The following PIK3R5 variants were observed in gnomAD, a reference collection of about 807,000 sequenced individuals.
PIK3R5 encodes phosphoinositide-3-kinase regulatory subunit 5.
Under a neutral mutation model 94.9 loss-of-function variants are expected in PIK3R5, and 32 were observed. That is an observed-to-expected ratio of 0.34 (90% confidence interval 0.25 to 0.45). The LOEUF is 0.45. Ranked by LOEUF, PIK3R5 falls within the 20% of genes least tolerant of loss-of-function variation. PIK3R5 has a pLI of 1.00. For missense variants in PIK3R5, 853 were observed against 1,144.6 expected (o/e 0.75, Z 3.68); for synonymous variants, 443 against 479.4 (o/e 0.92, Z 0.99).
At chr17:8,941,413 A>G (rs1275909285) in intron 1 of PIK3R5, among the ~76,000 whole-genome samples, 1 of 141,280 alleles carries the variant, frequency 7.1e-6, no homozygotes, top group African/African-American at 2.7e-5. Context: ...GAGTGACCAG[A>G]GACGGCTTGA....
chr17:8,941,177 T>C (rs558523971), intron 1 of PIK3R5, among the ~76,000 whole-genome samples: 2 of 152,118 alleles, frequency 1.3e-5, no homozygotes, highest in South Asian at 4.2e-4. Context: ...CCACCATGAC[T>C]GAGGGGTGTA....
chr17:8,931,904 A>C (rs569874292), intron 1 of PIK3R5, among the ~76,000 whole-genome samples: 2 of 152,286 alleles, frequency 1.3e-5, no homozygotes, highest in Non-Finnish European at 2.9e-5. Flanking sequence ...TTTAAGAAAC[A>C]CTTGAAAGGA....
At chr17:8,965,074 G>C (rs1469966913) in intron 1 of PIK3R5, among the ~76,000 whole-genome samples, 1 of 152,144 alleles carries the variant, frequency 6.6e-6, no homozygotes, top group African/African-American at 2.4e-5. Flanking sequence ...GATCCTCTGA[G>C]AGCAGAAAGC....
At position 8,935,715 on chromosome 17, in the gene PIK3R5, G is replaced by A. The variant is rs1175636528; in HGVS notation, c.-13-24208C>T. 2.6e-5 allele frequency among the ~76,000 whole-genome samples: 4 copies of A among 152,110 alleles called. No individual in the cohort carries two copies. Among genetic ancestry groups the A allele is most frequent in the Non-Finnish European group, 5.9e-5 (4 of 68,024 alleles). On this transcript the variant is annotated intron_variant, in intron 1 of 18. Coordinates refer to ENST00000447110, the MANE Select transcript of PIK3R5 (RefSeq NM_001142633.3). This position sits in a 1 kb window ranked among gnomAD's most constrained non-coding sequence, Gnocchi z 4.5. ...GGAAAGTGAACAGCTCTGAGCTCCC[G>A]GACAGCTCCTGGCAGGATGGGGCTT...
Position 8,893,548 on chromosome 17 carries a change from C to T in PIK3R5, c.482+38G>A, listed in dbSNP as rs2151379657. On this transcript the variant is annotated intron_variant, in intron 6 of 18. Transcript: ENST00000447110. The surrounding 1 kb of genome is among the most constrained non-coding windows in gnomAD (Gnocchi z 5.1). ...TGGAACAGTGCAGGGGTCCCAAACT[C>T]CCTCCCCACTGTTTCTCCGTCCCCC... 1 of 1,549,526 alleles carries T rather than the reference C, an allele frequency of 6.5e-7. No individual in the cohort carries two copies. Among genetic ancestry groups the T allele is most frequent in the South Asian group, 1.1e-5 (1 of 89,866 alleles).
rs921854758 is a variant in PIK3R5, at chr17:8,909,078, C to T, written c.200G>A (p.Arg67Gln). 17 of 1,598,624 alleles carry T rather than the reference C, an allele frequency of 1.1e-5. No individual in the cohort carries two copies. The highest frequency in any genetic ancestry group is 2.3e-5 in the East Asian group (1 of 44,442). ...CAATTCCTGACTCCCCCTCACCTCT[C>T]GGGTCTTCTGCAGGATCTGCTCAAG... ...ILLEQILQKT[R>Q]EVQEKGTYDL... is the part of the protein sequence containing the mutation. The change falls in exon 3 of 19, where the codon CGA becomes CAA. Residue 67 changes from arginine to glutamine, a missense_variant. By Grantham distance (43) the Arg-to-Gln change is conservative. Around this residue, in one of 6 missense-constraint regions of PIK3R5, gnomAD observed 108 missense variants for 170.1 expected, o/e 0.63. Transcript: ENST00000447110. The surrounding 1 kb of genome is among the most constrained non-coding windows in gnomAD (Gnocchi z 4.3).
At chr17:8,928,829 A>T (rs1170278410) in intron 1 of PIK3R5, among the ~76,000 whole-genome samples, 1 of 152,208 alleles carries the variant, frequency 6.6e-6, no homozygotes. Context: ...ATAATAAGAA[A>T]GGGAAAAATC....
chr17:8,905,147 A>G (rs757209850), intron 4 of PIK3R5, among the ~76,000 whole-genome samples: 19 of 72,140 alleles, frequency 2.6e-4, no homozygotes, highest in African/African-American at 1.1e-3. Context: ...GCTTTACCCA[A>G]TGCTTGAGTG....
At position 8,882,126 on chromosome 17, in the gene PIK3R5, T is replaced by A; in HGVS notation, c.2206-245A>T. On this transcript the variant is annotated intron_variant, in intron 15 of 18. Transcript: ENST00000447110. This position sits in a 1 kb window ranked among gnomAD's most constrained non-coding sequence, Gnocchi z 4.1. The stretch of plus-strand genomic sequence containing the variant: ...TGACCAGGTTGAAAGGTACAAGAGC[T>A]GAGAGCACCTGCAGGGGTGGTCCTG... 1.9e-6 allele frequency: 1 copy of A among 518,920 alleles called. No homozygotes were observed. Among genetic ancestry groups the A allele is most frequent in the Non-Finnish European group, 3.5e-6 (1 of 286,434 alleles). 32.1% of individuals were successfully genotyped at this position (518,920 alleles called of 1,614,324 possible).
chr17:8,951,581 ATTCC>A (rs2091377292), intron 1 of PIK3R5, among the ~76,000 whole-genome samples: 1 of 152,246 alleles, frequency 6.6e-6, no homozygotes, highest in African/African-American at 2.4e-5. Context: ...TTTGAACCTC[ATTCC>A]TTTTTAAGGA....
chr17:8,924,263 A>C (rs1320679262), intron 1 of PIK3R5, among the ~76,000 whole-genome samples: 1 of 136,724 alleles, frequency 7.3e-6, no homozygotes, highest in Non-Finnish European at 1.6e-5. Context: ...TTTTTTTTGT[A>C]GAGGTGGGGT....
At chr17:8,910,568 G>A (rs2090502242) in intron 2 of PIK3R5, among the ~76,000 whole-genome samples, 2 of 152,214 alleles carry the variant, frequency 1.3e-5, no homozygotes, top group South Asian at 2.1e-4. Flanking sequence ...AGGGTCCTGG[G>A]AGGATAAGTG....
chr17:8,926,614 C>T (rs939533164), intron 1 of PIK3R5, among the ~76,000 whole-genome samples: 1 of 152,130 alleles, frequency 6.6e-6, no homozygotes, highest in African/African-American at 2.4e-5. Flanking sequence ...ACCATCAAAT[C>T]ACGTGAGACT....
rs528843290 is a variant in PIK3R5, at chr17:8,964,825, G to A, written c.-14+771C>T. The stretch of plus-strand genomic sequence containing the variant: ...TTGGCCTACTTTTAGCCCTTATTCT[G>A]CCTAAACCCACCCCTCCTCTCTACT... On this transcript the variant is annotated intron_variant, in intron 1 of 18. Transcript: ENST00000447110. Among the ~76,000 whole-genome samples, 343 of 152,290 alleles carry A rather than the reference G, an allele frequency of 2.3e-3. 3 individuals are homozygous for A. Among genetic ancestry groups the A allele is most frequent in the Non-Finnish European group, 4.7e-4 (32 of 68,012 alleles).
At chr17:8,921,808 G>A (rs1013423838) in intron 1 of PIK3R5, among the ~76,000 whole-genome samples, 3 of 152,134 alleles carry the variant, frequency 2.0e-5, no homozygotes, top group African/African-American at 7.2e-5. Context: ...AATGTAAAGT[G>A]CTAAAACTAT....
At chr17:8,941,141 CAG>C (rs1287999138) in intron 1 of PIK3R5, among the ~76,000 whole-genome samples, 1 of 152,190 alleles carries the variant, frequency 6.6e-6, no homozygotes, top group Non-Finnish European at 1.5e-5. Context: ...TCCTACTGTG[CAG>C]AGACCACTTT....
Position 8,886,407 on chromosome 17 carries a change from C to T in PIK3R5, c.2034+70G>A, listed in dbSNP as rs964339861. On this transcript the variant is annotated intron_variant, in intron 13 of 18. Transcript: ENST00000447110. ...CTCCAGCATAGACCTGCTGGCTCTCCCGGGGCAGGGGTGGGGCCTTGCAGG... is the reference window on the plus strand; with the variant it reads ...CTCCAGCATAGACCTGCTGGCTCTCTCGGGGCAGGGGTGGGGCCTTGCAGG... The T allele has an allele frequency of 5.6e-6, 9 of 1,602,490 alleles. No homozygotes were observed. The African/African-American group carries it at 8.0e-5, about 14-fold the overall frequency.
Position 8,964,029 on chromosome 17 carries a change from A to G in PIK3R5, c.-14+1567T>C, listed in dbSNP as rs180884929. 1.8e-3 allele frequency among the ~76,000 whole-genome samples: 272 copies of G among 152,304 alleles called. 4 individuals carry two copies. The highest frequency in any genetic ancestry group is 0.016 in the Admixed American group (252 of 15,292). The stretch of plus-strand genomic sequence containing the variant: ...GCCACAACGAGGAAACACGGAAGCC[A>G]GCGTTCTACAAACATCCACGGAGCA... On this transcript the variant is annotated intron_variant, in intron 1 of 18. Transcript: ENST00000447110.
intron 1 of PIK3R5, among the ~76,000 whole-genome samples, chr17:8,921,072 C>T (rs1347237804): frequency 2.6e-5 from 4 of 151,988 alleles, no homozygotes; most frequent in Non-Finnish European, 5.9e-5. Flanking sequence ...AACTCCTGAC[C>T]TCAGGTGATC....
Sources: allele counts gnomAD v4.1 joint callset (sites outside exome capture counted in the v4.1 genomes callset), GRCh38; gene constraint gnomAD v4.1.1; regional missense constraint gnomAD v4.1.1; non-coding constraint Gnocchi (gnomAD v3.1); transcripts MANE v1.5; gene names NCBI Gene and HGNC (gene_info 2026-07-23, HGNC 2026-07-21).